UBE2H: variants seen among roughly 807,000 people sequenced by gnomAD.
The protein encoded by UBE2H is ubiquitin conjugating enzyme E2 H.
A neutral mutation model predicts 29.0 loss-of-function variants in UBE2H; 3 were observed. The ratio of observed to expected loss-of-function variants is 0.10; its 90% CI spans 0.05 to 0.27. The LOEUF (loss-of-function observed/expected upper bound fraction) is 0.27. Ranked by LOEUF, UBE2H falls within the 10% of genes least tolerant of loss-of-function variation. The probability of loss-of-function intolerance (pLI) is 1.00; values close to 1 mark genes in which losing one functional copy is unlikely to be tolerated. For missense variants in UBE2H, 68 were observed against 228.2 expected (o/e 0.30, Z 4.52); for synonymous variants, 69 against 82.9 (o/e 0.83, Z 0.91).
At chr7:129,917,590 T>A (rs139861595) in intron 1 of UBE2H, among the ~76,000 whole-genome samples, 170 of 152,316 alleles carry the variant, frequency 1.1e-3, no homozygotes, top group African/African-American at 3.7e-3. Context: ...TCTGTCTAGT[T>A]CTTTTCATCT....
intron 1 of UBE2H, among the ~76,000 whole-genome samples, chr7:129,895,389 TA>T (rs1420480922): frequency 6.6e-6 from 1 of 152,104 alleles, no homozygotes. Context: ...AGAACCTACC[TA>T]ATCACAGGAG....
chr7:129,942,145 C>T (rs917460469), intron 1 of UBE2H, among the ~76,000 whole-genome samples: 8 of 132,448 alleles, frequency 6.0e-5, no homozygotes, highest in Non-Finnish European at 1.1e-4. Context: ...TCCGGAAGTT[C>T]GAGGCTGCAG....
intron 1 of UBE2H, among the ~76,000 whole-genome samples, chr7:129,934,203 T>C (rs1173872306): frequency 6.6e-6 from 1 of 152,086 alleles, no homozygotes; most frequent in Non-Finnish European, 1.5e-5. Flanking sequence ...ACGACTGTAC[T>C]CCTAGCTACT....
At chr7:129,891,923 T>C (rs1806499210) in intron 1 of UBE2H, among the ~76,000 whole-genome samples, 1 of 150,784 alleles carries the variant, frequency 6.6e-6, no homozygotes, top group Admixed American at 6.6e-5. Flanking sequence ...CCTACATTCT[T>C]AAGCAGAATA....
chr7:129,934,638 T>TTAAAAAA (rs1554440987), intron 1 of UBE2H, among the ~76,000 whole-genome samples: 1 of 65,840 alleles, frequency 1.5e-5, no homozygotes, highest in East Asian at 4.9e-4. Context: ...ACTCCGTCTT[T>TTAAAAAA]AAAAAAAAAA....
intron 3 of UBE2H, among the ~76,000 whole-genome samples, chr7:129,866,708 C>T (rs2037720): frequency 0.19 from 28,905 of 152,012 alleles, 3,108 homozygotes; most frequent in African/African-American, 0.29. Flanking sequence ...AGCACATGTA[C>T]CCCAAAAATG....
At chr7:129,933,254 A>G (rs1807445794) in intron 1 of UBE2H, among the ~76,000 whole-genome samples, 1 of 152,230 alleles carries the variant, frequency 6.6e-6, no homozygotes, top group South Asian at 2.1e-4. Context: ...TAAACACAAC[A>G]TAAAGGTCCT....
intron 6 of UBE2H, among the ~76,000 whole-genome samples, chr7:129,837,543 C>T (rs1388063417): frequency 1.4e-5 from 2 of 146,392 alleles, no homozygotes. Flanking sequence ...AGAGAGCCCA[C>T]AGGAGCAGAT....
At position 129,834,831 on chromosome 7, in the gene UBE2H, C is replaced by T. The variant is rs1404045946; in HGVS notation, c.*106G>A. ...ATATCAATGCTATTATTCATAAAAACCTTGTTTAGTAATAAAAAAAATTGC... is the reference window on the plus strand; with the variant it reads ...ATATCAATGCTATTATTCATAAAAATCTTGTTTAGTAATAAAAAAAATTGC... On this transcript the variant is annotated 3_prime_UTR_variant, in exon 7 of 7. Transcript: ENST00000355621. 1 of 1,348,934 alleles carries T rather than the reference C, an allele frequency of 7.4e-7. No individual in the cohort carries two copies. The highest frequency in any genetic ancestry group is 1.0e-6 in the Non-Finnish European group (1 of 997,322). The allele number at this position is 1,348,934 out of a possible 1,614,324, so 83.6% of individuals were successfully genotyped here.
intron 1 of UBE2H, among the ~76,000 whole-genome samples, chr7:129,930,704 C>G (rs193208011): frequency 0.018 from 2,694 of 147,532 alleles, 81 homozygotes; most frequent in African/African-American, 0.063. Flanking sequence ...GTTAGGAAAT[C>G]GAGACCATCC....
intron 1 of UBE2H, among the ~76,000 whole-genome samples, chr7:129,925,271 C>A (rs982966097): frequency 4.0e-5 from 6 of 151,838 alleles, no homozygotes; most frequent in Non-Finnish European, 8.8e-5. Context: ...TGCTTGAATC[C>A]AGGAGGCAGA....
rs1805278253 is a variant in UBE2H at position 129,834,035 on chromosome 7, C to G, written c.*902G>C. 6.6e-6 allele frequency: 1 copy of G among 152,262 alleles called. No homozygotes were observed. The highest frequency in any genetic ancestry group is 2.4e-5 in the African/African-American group (1 of 41,544). 9.4% of individuals were successfully genotyped at this position (152,262 alleles called of 1,614,324 possible). On this transcript the variant is annotated 3_prime_UTR_variant, in exon 7 of 7. Coordinates refer to ENST00000355621, the MANE Select transcript of UBE2H (RefSeq NM_003344.4). Reference sequence around the variant, plus strand: ...CACACACACCAAAAAAATAACCCCCCCAGAAACACAACCCTCATATTTAAA... The same window carrying G: ...CACACACACCAAAAAAATAACCCCCGCAGAAACACAACCCTCATATTTAAA...
intron 1 of UBE2H, among the ~76,000 whole-genome samples, chr7:129,929,441 T>C (rs530531116): frequency 2.0e-5 from 3 of 152,252 alleles, no homozygotes; most frequent in East Asian, 1.9e-4. Flanking sequence ...CACATTTCAT[T>C]ACATCTATGA....
chr7:129,847,372 G>A (rs533445128), intron 5 of UBE2H, among the ~76,000 whole-genome samples: 1 of 152,288 alleles, frequency 6.6e-6, no homozygotes, highest in South Asian at 2.1e-4. Context: ...AGTCTACTGG[G>A]TGTGGTGGCT....
chr7:129,926,257 C>A (rs1169767202), intron 1 of UBE2H, among the ~76,000 whole-genome samples: 4 of 151,772 alleles, frequency 2.6e-5, no homozygotes, highest in Middle Eastern at 3.4e-3. Context: ...TGCCTGTAAT[C>A]CCAGCACTTT....
chr7:129,917,692 T>C (rs916245331), intron 1 of UBE2H, among the ~76,000 whole-genome samples: 3 of 152,136 alleles, frequency 2.0e-5, no homozygotes, highest in African/African-American at 7.2e-5. Context: ...AAGTATGTAA[T>C]TGTTAAATAT....
intron 1 of UBE2H, among the ~76,000 whole-genome samples, chr7:129,899,420 A>G (rs1207932249): frequency 6.6e-6 from 1 of 152,188 alleles, no homozygotes; most frequent in African/African-American, 2.4e-5. Flanking sequence ...TCACCTTTAA[A>G]CACCACCTCA....
chr7:129,862,658 G>A (rs527524212), intron 3 of UBE2H, among the ~76,000 whole-genome samples: 1 of 152,320 alleles, frequency 6.6e-6, no homozygotes, highest in East Asian at 1.9e-4. Context: ...GAACAGCCAA[G>A]TGCAAAGCAC....
At chr7:129,913,176 C>CCGGAGG (rs1806973196) in intron 1 of UBE2H, among the ~76,000 whole-genome samples, 1 of 151,218 alleles carries the variant, frequency 6.6e-6, no homozygotes, top group Non-Finnish European at 1.5e-5. Flanking sequence ...GGCTTGAACC[C>CCGGAGG]CGGAGGCAGA....
Sources: allele counts gnomAD v4.1 joint callset (sites outside exome capture counted in the v4.1 genomes callset), GRCh38; gene constraint gnomAD v4.1.1; transcripts MANE v1.5; gene names NCBI Gene and HGNC (gene_info 2026-07-23, HGNC 2026-07-21).